STAT4: variants seen among roughly 807,000 people sequenced by gnomAD.
STAT4 encodes the protein signal transducer and activator of transcription 4.
A neutral mutation model predicts 110.5 loss-of-function variants in STAT4; 42 were observed. That is an observed-to-expected ratio of 0.38 (90% CI 0.30 to 0.49). The LOEUF (loss-of-function observed/expected upper bound fraction) is 0.49, where lower values mean the gene tolerates loss of function less well. Among genes scored for constraint, STAT4 ranks in the 20% least tolerant of loss-of-function variants. STAT4 has a pLI of 0.95. For missense variants in STAT4, 632 were observed against 887.9 expected, an observed-to-expected ratio of 0.71 and a Z score of 3.66; for synonymous variants, 284 against 302.2, an observed-to-expected ratio of 0.94 and a Z score of 0.63.
intron 3 of STAT4, among the ~76,000 whole-genome samples, chr2:191,080,965 A>T (rs2125281322): frequency 1.3e-5 from 2 of 152,182 alleles, no homozygotes; most frequent in African/African-American, 4.8e-5. Context: ...CAAATTAGGT[A>T]TTTCTCCTAA....
rs1698564764 is a variant in STAT4 at position 191,116,152 on chromosome 2, T to G, written c.273+30461A>C. 6.6e-6 allele frequency among the ~76,000 whole-genome samples: 1 copy of G among 152,218 alleles called. No homozygotes were observed. The highest frequency in any genetic ancestry group is 1.5e-5 in the Non-Finnish European group (1 of 68,038). On this transcript the variant is annotated intron_variant, in intron 3 of 23. Coordinates refer to ENST00000392320, the MANE Select transcript of STAT4 (RefSeq NM_003151.4). The surrounding 1 kb of genome is among the most constrained non-coding windows in gnomAD (Gnocchi z 4.1). The stretch of plus-strand genomic sequence containing the variant: ...TTGGTAAGGGCCGTGATGGACAAAG[T>G]CAATGGTACTCTTCCATTCCCAATG...
At chr2:191,124,391 G>T (rs1698819880) in intron 3 of STAT4, among the ~76,000 whole-genome samples, 2 of 149,594 alleles carry the variant, frequency 1.3e-5, no homozygotes, top group South Asian at 4.3e-4. Flanking sequence ...GGAGAAGGAG[G>T]TTGCAGTGAG....
chr2:191,111,116 T>C (rs1453020906), intron 3 of STAT4, among the ~76,000 whole-genome samples: 3 of 152,210 alleles, frequency 2.0e-5, no homozygotes, highest in Non-Finnish European at 4.4e-5. Flanking sequence ...ATTTCAAATG[T>C]AGAATATTAC....
intron 3 of STAT4, chr2:191,131,799 C>T: frequency 7.3e-7 from 1 of 1,362,430 alleles, no homozygotes; most frequent in South Asian, 1.9e-5. Flanking sequence ...ATCTGAATGT[C>T]CCAGGTGAAG....
At position 191,138,097 on chromosome 2, in the gene STAT4, G is replaced by A. The variant is rs1005266922; in HGVS notation, c.273+8516C>T. ...ATCTGCTGAATGGGAGAAAATATTT[G>A]CAAACTATTCATCTGACAAAAGGCT... is the stretch of plus-strand genomic sequence containing the variant. On this transcript the variant is annotated intron_variant, in intron 3 of 23. Coordinates refer to ENST00000392320, the MANE Select transcript of STAT4 (RefSeq NM_003151.4). This position sits in a 1 kb window ranked among gnomAD's most constrained non-coding sequence, Gnocchi z 4.3. 1.3e-5 allele frequency among the ~76,000 whole-genome samples: 2 copies of A among 152,110 alleles called. No homozygotes were observed. Among genetic ancestry groups the A allele is most frequent in the African/African-American group, 4.8e-5 (2 of 41,418 alleles).
intron 3 of STAT4, among the ~76,000 whole-genome samples, chr2:191,137,453 A>G (rs1699209014): frequency 1.3e-5 from 2 of 152,316 alleles, no homozygotes; most frequent in Admixed American, 1.3e-4. Context: ...ACAGAATCAA[A>G]GCAATCCCTA....
intron 14 of STAT4, among the ~76,000 whole-genome samples, chr2:191,048,028 T>C (rs1316283996): frequency 1.3e-5 from 2 of 152,186 alleles, no homozygotes; most frequent in African/African-American, 4.8e-5. Context: ...CTTCCTCAGC[T>C]CTTTGAGTTA....
chr2:191,060,743 T>C lies in STAT4; in HGVS notation c.1034+986A>G, dbSNP rs918566622. 2.0e-5 allele frequency among the ~76,000 whole-genome samples: 3 copies of C among 152,340 alleles called. No homozygotes were observed. Among genetic ancestry groups the C allele is most frequent in the Non-Finnish European group, 4.4e-5 (3 of 68,030 alleles). ...CAACAGTGCAATTTAAAAAGGAACC[T>C]GGCCTCTGCCTTTTGTTTTCAGTTC... On this transcript the variant is annotated intron_variant, in intron 10 of 23. Coordinates refer to ENST00000392320, the MANE Select transcript of STAT4 (RefSeq NM_003151.4). The surrounding 1 kb of genome is among the most constrained non-coding windows in gnomAD (Gnocchi z 4.5).
At chr2:191,034,389 C>G (rs904493282) in intron 18 of STAT4, among the ~76,000 whole-genome samples, 159 bp downstream of exon 18, 4 of 149,976 alleles carry the variant, frequency 2.7e-5, no homozygotes, top group African/African-American at 9.9e-5. Context: ...CGCCACTGCA[C>G]TCCAGCCTGG....
Position 191,030,014 on chromosome 2 carries a change from A to G in STAT4, c.2221-148T>C, listed in dbSNP as rs1695841812. ...TAAAATACTTAAACTAAGTATTTGC[A>G]AAAGTAATTGGGGTTGATCAGTCTA... On this transcript the variant is annotated intron_variant, in intron 23 of 23. Transcript: ENST00000392320. The surrounding 1 kb of genome is among the most constrained non-coding windows in gnomAD (Gnocchi z 4.4). 3.0e-6 allele frequency: 2 copies of G among 677,342 alleles called. No individual in the cohort carries two copies. The highest frequency in any genetic ancestry group is 5.0e-6 in the Non-Finnish European group (2 of 397,434). 42.0% of individuals were successfully genotyped at this position (677,342 alleles called of 1,614,324 possible). A position where few individuals can be genotyped will look rare whatever the true frequency, so the allele number is the denominator to read the frequency against.
intron 13 of STAT4, among the ~76,000 whole-genome samples, chr2:191,054,868 G>T (rs2125208033): frequency 6.6e-6 from 1 of 152,286 alleles, no homozygotes; most frequent in Admixed American, 6.5e-5. Context: ...TTTTAGCTAA[G>T]CTGTAGGTGA....
At chr2:191,126,387 A>C (rs1286082992) in intron 3 of STAT4, among the ~76,000 whole-genome samples, 1 of 152,226 alleles carries the variant, frequency 6.6e-6, no homozygotes, top group Admixed American at 6.5e-5. Flanking sequence ...CTAAAAACTT[A>C]GTTGAAAGAC....
intron 3 of STAT4, among the ~76,000 whole-genome samples, chr2:191,127,268 G>A (rs1698907020): frequency 6.6e-6 from 1 of 152,058 alleles, no homozygotes; most frequent in Admixed American, 6.6e-5. Context: ...TCCCTATTAA[G>A]TCCAAACTGC....
In STAT4 at chr2:191,104,894, T is replaced by G. The variant is rs1698236749; in HGVS notation, c.274-28569A>C. 6.6e-6 allele frequency among the ~76,000 whole-genome samples: 1 copy of G among 152,128 alleles called. No homozygotes were observed. The highest frequency in any genetic ancestry group is 2.4e-5 in the African/African-American group (1 of 41,430). On this transcript the variant is annotated intron_variant, in intron 3 of 23. Coordinates refer to ENST00000392320, the MANE Select transcript of STAT4 (RefSeq NM_003151.4). This position sits in a 1 kb window ranked among gnomAD's most constrained non-coding sequence, Gnocchi z 4.3. ...AAAAAAGTCCCAATGGCCCATCTTA[T>G]CTGGCCCCACAGAGACAGGGTAACT...
At chr2:191,044,597 G>C (rs948130370) in intron 14 of STAT4, among the ~76,000 whole-genome samples, 1 of 152,074 alleles carries the variant, frequency 6.6e-6, no homozygotes, top group African/African-American at 2.4e-5. Context: ...AGGAGAAGGG[G>C]GTGGGACTCC....
chr2:191,061,102 C>G lies in STAT4; in HGVS notation c.1034+627G>C, dbSNP rs918669471. Among the ~76,000 whole-genome samples the G allele has an allele frequency of 1.3e-5, 2 of 152,258 alleles. No homozygotes were observed. The highest frequency in any genetic ancestry group is 4.1e-4 in the South Asian group (2 of 4,826). On this transcript the variant is annotated intron_variant, in intron 10 of 23. Transcript: ENST00000392320. This position sits in a 1 kb window ranked among gnomAD's most constrained non-coding sequence, Gnocchi z 6.2. ...CATTAGGGAAAACTGTAAGTTTTGA[C>G]GCTAATGCTAATAGGATCAAATTCA...
At chr2:191,120,434 A>C (rs974250860) in intron 3 of STAT4, among the ~76,000 whole-genome samples, 1 of 152,150 alleles carries the variant, frequency 6.6e-6, no homozygotes, top group Admixed American at 6.5e-5. Context: ...AAAATAAAAA[A>C]ATTAACCAGG....
In STAT4 at chr2:191,053,080, C is replaced by T. The variant is rs1484945039; in HGVS notation, c.1251+1410G>A. On this transcript the variant is annotated intron_variant, in intron 14 of 23. Coordinates refer to ENST00000392320, the MANE Select transcript of STAT4 (RefSeq NM_003151.4). The surrounding 1 kb of genome is among the most constrained non-coding windows in gnomAD (Gnocchi z 4.5). ...AGGGCAAAATGGTAGGGCATTAAAT[C>T]TTTTGTGATGGATCTTTATGGTTTT... 6.6e-6 allele frequency among the ~76,000 whole-genome samples: 1 copy of T among 152,158 alleles called. No individual in the cohort carries two copies. Among genetic ancestry groups the T allele is most frequent in the Non-Finnish European group, 1.5e-5 (1 of 68,004 alleles).
In STAT4 at chr2:191,058,291, TTTTATTTA is replaced by T; in HGVS notation, c.1095-80_1095-73del. The T allele has an allele frequency of 7.2e-7, 1 of 1,380,694 alleles. No individual in the cohort carries two copies. Among genetic ancestry groups the T allele is most frequent in the East Asian group, 2.5e-5 (1 of 39,650 alleles). 85.5% of individuals were successfully genotyped at this position (1,380,694 alleles called of 1,614,324 possible). A position where few individuals can be genotyped will look rare whatever the true frequency, so the allele number is the denominator to read the frequency against. On this transcript the variant is annotated intron_variant, in intron 11 of 23. Coordinates refer to ENST00000392320, the MANE Select transcript of STAT4 (RefSeq NM_003151.4). The surrounding 1 kb of genome is among the most constrained non-coding windows in gnomAD (Gnocchi z 4.3). ...AGGAATAACTTTCTATGATAGTTTATTTTATTTATTTATTTATTTATTTTGAGACAGAG... is the reference window on the plus strand; with the variant it reads ...AGGAATAACTTTCTATGATAGTTTATTTTATTTATTTATTTTGAGACAGAG...
Sources: allele counts gnomAD v4.1 joint callset (sites outside exome capture counted in the v4.1 genomes callset), GRCh38; gene constraint gnomAD v4.1.1; non-coding constraint Gnocchi (gnomAD v3.1); transcripts MANE v1.5; gene names NCBI Gene and HGNC (gene_info 2026-07-23, HGNC 2026-07-21).